GRM7: variants seen among roughly 807,000 people sequenced by gnomAD.
GRM7 encodes the protein glutamate metabotropic receptor 7.
In GRM7, 35 loss-of-function variants were observed where a neutral mutation model predicts 84.5. That is an observed-to-expected ratio of 0.41 (90% CI 0.32 to 0.55). The LOEUF is 0.55. Among genes scored for constraint, GRM7 ranks in the 20% least tolerant of loss-of-function variants. The probability of loss-of-function intolerance (pLI) is 0.19; values close to 1 mark genes in which losing one functional copy is unlikely to be tolerated. For synonymous variants in GRM7, 487 were observed against 455.1 expected, an observed-to-expected ratio of 1.07 and a Z score of -0.89; for missense variants, 1,003 against 1,194.6, an observed-to-expected ratio of 0.84 and a Z score of 2.36.
chr3:7,496,768 T>C (rs1490813408), intron 7 of GRM7, among the ~76,000 whole-genome samples: 1 of 151,742 alleles, frequency 6.6e-6, no homozygotes, highest in Non-Finnish European at 1.5e-5. Flanking sequence ...AAGAAAAATA[T>C]AATTATAGAT....
rs187166710 is a variant in GRM7 at position 7,311,869 on chromosome 3, A to G, written c.1033+5217A>G. Among the ~76,000 whole-genome samples, 10 of 152,272 alleles carry G rather than the reference A, an allele frequency of 6.6e-5. No individual in the cohort carries two copies. The East Asian group carries it at 1.9e-3, about 29-fold the overall frequency. On this transcript the variant is annotated intron_variant, in intron 4 of 9. Coordinates refer to ENST00000357716, the MANE Select transcript of GRM7 (RefSeq NM_000844.4). The stretch of plus-strand genomic sequence containing the variant: ...CTCAGCCTCCCAAAGTGTTAGGATT[A>G]CAGGCATAAGCCACTGCACCCGGCC...
intron 1 of GRM7, among the ~76,000 whole-genome samples, chr3:6,990,465 T>G (rs1284670075): frequency 2.0e-5 from 3 of 152,194 alleles, no homozygotes; most frequent in African/African-American, 7.2e-5. Flanking sequence ...TTTGTTCATT[T>G]TTCTTCTCCT....
At chr3:7,256,798 C>A (rs1046277951) in intron 2 of GRM7, among the ~76,000 whole-genome samples, 1 of 152,096 alleles carries the variant, frequency 6.6e-6, no homozygotes, top group African/African-American at 2.4e-5. Context: ...AGTGGGGAAA[C>A]AGAGATAGTT....
At chr3:7,274,037 T>G (rs1437600627) in intron 2 of GRM7, among the ~76,000 whole-genome samples, 1 of 151,990 alleles carries the variant, frequency 6.6e-6, no homozygotes, top group Non-Finnish European at 1.5e-5. Context: ...ATTTTTGCCT[T>G]TTACTTGGTT....
chr3:7,238,499 T>G (rs1697425925), intron 2 of GRM7, among the ~76,000 whole-genome samples: 1 of 148,330 alleles, frequency 6.7e-6, no homozygotes, highest in African/African-American at 2.6e-5. Context: ...ATAAACTTTG[T>G]TTTTTTTTGT....
intron 9 of GRM7, among the ~76,000 whole-genome samples, chr3:7,694,958 A>C (rs1700961526): frequency 6.6e-6 from 1 of 152,200 alleles, no homozygotes; most frequent in Admixed American, 6.5e-5. Flanking sequence ...CAGGTTTGGG[A>C]AACAGTCTTA....
At chr3:6,897,203 G>A (rs1460598945) in intron 1 of GRM7, among the ~76,000 whole-genome samples, 49 of 152,162 alleles carry the variant, frequency 3.2e-4, no homozygotes, top group Non-Finnish European at 7.3e-5. Flanking sequence ...CTATTGAACA[G>A]CTTCTTTAGT....
At chr3:7,254,535 G>C (rs530604353) in intron 2 of GRM7, among the ~76,000 whole-genome samples, 1 of 152,160 alleles carries the variant, frequency 6.6e-6, no homozygotes, top group Non-Finnish European at 1.5e-5. Context: ...GGTCTCTGTC[G>C]TAATTACCCA....
intron 4 of GRM7, among the ~76,000 whole-genome samples, chr3:7,307,776 ATTC>A (rs1169499254): frequency 6.6e-6 from 1 of 152,178 alleles, no homozygotes; most frequent in Non-Finnish European, 1.5e-5. Context: ...AACCTTCTCC[ATTC>A]CTTGCACTGG....
intron 8 of GRM7, among the ~76,000 whole-genome samples, chr3:7,582,670 T>C (rs932097238): frequency 6.6e-6 from 1 of 152,090 alleles, no homozygotes; most frequent in African/African-American, 2.4e-5. Context: ...AAGGTTATAT[T>C]ACAAAACTTA....
intron 7 of GRM7, among the ~76,000 whole-genome samples, chr3:7,558,496 T>C (rs977341474): frequency 6.6e-6 from 1 of 152,070 alleles, no homozygotes; most frequent in Admixed American, 6.6e-5. Flanking sequence ...TCTGCAAGTG[T>C]AGCAAATTTA....
chr3:7,349,903 A>T (rs1474100695), intron 4 of GRM7, among the ~76,000 whole-genome samples: 1 of 152,034 alleles, frequency 6.6e-6, no homozygotes, highest in Non-Finnish European at 1.5e-5. Flanking sequence ...TGAAGCAATT[A>T]TATTCAAATG....
intron 3 of GRM7, among the ~76,000 whole-genome samples, chr3:7,303,351 TC>T (rs1700075170): frequency 6.6e-6 from 1 of 152,206 alleles, no homozygotes; most frequent in Non-Finnish European, 1.5e-5. Context: ...GCTTCCTGGT[TC>T]TGTTCTCTTT....
intron 7 of GRM7, among the ~76,000 whole-genome samples, chr3:7,482,049 G>A (rs1304014422): frequency 6.6e-6 from 1 of 152,100 alleles, no homozygotes; most frequent in Admixed American, 6.5e-5. Flanking sequence ...TTAGCCAGGT[G>A]TGGTTGTGGA....
At chr3:7,703,777 G>C (rs929249135) in intron 9 of GRM7, among the ~76,000 whole-genome samples, 1 of 152,274 alleles carries the variant, frequency 6.6e-6, no homozygotes, top group South Asian at 2.1e-4. Flanking sequence ...TGCAGAAATG[G>C]AGGCTTAGAG....
intron 2 of GRM7, among the ~76,000 whole-genome samples, chr3:7,294,619 TA>T (rs1166540102): frequency 1.5e-4 from 23 of 151,946 alleles, no homozygotes; most frequent in African/African-American, 5.6e-4. Context: ...ATTCTACTTC[TA>T]CCTGAGTAGG....
chr3:7,050,334 C>G (rs17234886), intron 1 of GRM7, among the ~76,000 whole-genome samples: 23,164 of 151,840 alleles, frequency 0.15, 2,249 homozygotes, highest in Non-Finnish European at 0.21. Context: ...GTGTCAACTT[C>G]ATAAACACCC....
At chr3:6,912,925 A>T (rs1575006025) in intron 1 of GRM7, among the ~76,000 whole-genome samples, 2 of 152,190 alleles carry the variant, frequency 1.3e-5, no homozygotes, top group East Asian at 3.8e-4. Context: ...GCACAATTGT[A>T]ATAATTTAAA....
chr3:7,582,989 C>T (rs1216486288), intron 8 of GRM7, among the ~76,000 whole-genome samples: 3 of 152,184 alleles, frequency 2.0e-5, no homozygotes, highest in Non-Finnish European at 4.4e-5. Flanking sequence ...CAGAAGACAT[C>T]CTGTAAATAT....
Sources: allele counts gnomAD v4.1 joint callset (sites outside exome capture counted in the v4.1 genomes callset), GRCh38; gene constraint gnomAD v4.1.1; transcripts MANE v1.5; gene names NCBI Gene and HGNC (gene_info 2026-07-23, HGNC 2026-07-21).